The following TMEM116 variants were observed in gnomAD, a reference collection of about 807,000 sequenced individuals.
The protein encoded by TMEM116 is transmembrane protein 116.
A neutral mutation model predicts 44.3 loss-of-function variants in TMEM116; 38 were observed. The observed-to-expected ratio is 0.86, with a 90% confidence interval of 0.66 to 1.12. The LOEUF (loss-of-function observed/expected upper bound fraction) is 1.12, where lower values mean the gene tolerates loss of function less well. TMEM116 is among the 50% of genes most tolerant of loss of function. The pLI, the probability that TMEM116 is intolerant of heterozygous loss-of-function variation, is 0.00. For synonymous variants in TMEM116, 132 were observed against 144.8 expected (o/e 0.91, Z 0.64); for missense variants, 354 against 401.7 (o/e 0.88, Z 1.01).
Position 111,938,220 on chromosome 12 carries a change from G to A in TMEM116, c.316-10C>T, listed in dbSNP as rs1565869713. The A allele has an allele frequency of 6.4e-7, 1 of 1,563,294 alleles. No individual in the cohort carries two copies. The highest frequency in any genetic ancestry group is 8.7e-7 in the Non-Finnish European group (1 of 1,153,902). ...AAGTATAATCTATCACCTGTGAAAAGAATAAATGTGAGAAATGTCTTAAGA... is the reference window on the plus strand; with the variant it reads ...AAGTATAATCTATCACCTGTGAAAAAAATAAATGTGAGAAATGTCTTAAGA... On this transcript the variant is annotated splice_polypyrimidine_tract_variant and intron_variant, in intron 5 of 10. Transcript: ENST00000552374.
At chr12:111,984,164 A>G (rs2076094486) in intron 4 of TMEM116, among the ~76,000 whole-genome samples, 1 of 152,156 alleles carries the variant, frequency 6.6e-6, no homozygotes. Context: ...AAAAACTCCC[A>G]AACTAGGAAC....
chr12:111,956,546 G>A (rs1593372177), intron 4 of TMEM116, among the ~76,000 whole-genome samples: 1 of 152,162 alleles, frequency 6.6e-6, no homozygotes, highest in South Asian at 2.1e-4. Flanking sequence ...CCTTTGCACG[G>A]TCTCCCTCTA....
intron 4 of TMEM116, among the ~76,000 whole-genome samples, chr12:111,956,838 G>C (rs1470826359): frequency 6.6e-6 from 1 of 152,174 alleles, no homozygotes; most frequent in African/African-American, 2.4e-5. Context: ...AGGCTGGAGT[G>C]AGTGGCGTGA....
At chr12:111,971,043 C>T (rs894979794) in intron 4 of TMEM116, among the ~76,000 whole-genome samples, 8 of 152,158 alleles carry the variant, frequency 5.3e-5, no homozygotes, top group Non-Finnish European at 1.2e-4. Flanking sequence ...AAATACTGAA[C>T]TTCTGTCAAC....
At chr12:111,947,452 A>G (rs2073377105) in intron 4 of TMEM116, among the ~76,000 whole-genome samples, 1 of 152,184 alleles carries the variant, frequency 6.6e-6, no homozygotes, top group Non-Finnish European at 1.5e-5. Flanking sequence ...TATGGAAAAC[A>G]TTGTCAAAAG....
intron 4 of TMEM116, among the ~76,000 whole-genome samples, chr12:111,962,635 C>T (rs1320850274): frequency 2.0e-5 from 3 of 152,134 alleles, no homozygotes; most frequent in Non-Finnish European, 4.4e-5. Context: ...AAACTGGACC[C>T]GTTCCTTACA....
At position 111,937,196 on chromosome 12, in the gene TMEM116, GT is replaced by G; in HGVS notation, c.412del (p.Thr138LeufsTer16). ...LMTPVFCLGN[T>X]SECFQNFSQS... ...ACTGAAGTTTTGGAAACATTCACTAGTATTTCCCAGACAGAATACAGGTGTC... is the reference window on the plus strand; with the variant it reads ...ACTGAAGTTTTGGAAACATTCACTAGATTTCCCAGACAGAATACAGGTGTC... On this transcript the variant is annotated frameshift_variant, in exon 7 of 11. Coordinates refer to ENST00000552374, the MANE Select transcript of TMEM116 (RefSeq NM_001193531.2). LOFTEE classifies it high-confidence loss of function. 6.2e-7 allele frequency: 1 copy of G among 1,613,882 alleles called. No homozygotes were observed. Among genetic ancestry groups the G allele is most frequent in the Non-Finnish European group, 8.5e-7 (1 of 1,179,874 alleles).
rs1474352518 is a variant in TMEM116 at position 111,958,942 on chromosome 12, G to A, written c.211-15573C>T. Among the ~76,000 whole-genome samples the A allele has an allele frequency of 6.6e-5, 10 of 152,288 alleles. No individual in the cohort carries two copies. The South Asian group carries it at 1.9e-3, about 28-fold the overall frequency. Reference sequence around the variant, plus strand: ...ATACTCTTCAGGATATTATCCAGGAGAACTTCCCCAACCTAGCAAGACAGG... The same window carrying A: ...ATACTCTTCAGGATATTATCCAGGAAAACTTCCCCAACCTAGCAAGACAGG... On this transcript the variant is annotated intron_variant, in intron 4 of 10. Transcript: ENST00000552374.
At chr12:112,007,153 G>A (rs928880600) in intron 1 of TMEM116, among the ~76,000 whole-genome samples, 1 of 152,186 alleles carries the variant, frequency 6.6e-6, no homozygotes, top group East Asian at 1.9e-4. Flanking sequence ...GCTGGCCCAC[G>A]CCTGTAATCC....
intron 3 of TMEM116, among the ~76,000 whole-genome samples, chr12:111,995,062 C>T (rs1045220911): frequency 6.6e-5 from 10 of 152,172 alleles, no homozygotes; most frequent in Non-Finnish European, 1.2e-4. Context: ...AAGCACATCA[C>T]GCACTGTTGG....
intron 4 of TMEM116, among the ~76,000 whole-genome samples, chr12:111,987,374 G>T (rs906754018): frequency 6.6e-6 from 1 of 151,734 alleles, no homozygotes; most frequent in East Asian, 1.9e-4. Context: ...GTATGGTGGC[G>T]CACACCTGTA....
intron 1 of TMEM116, among the ~76,000 whole-genome samples, chr12:112,007,935 T>C (rs2136749565): frequency 6.6e-6 from 1 of 152,356 alleles, no homozygotes; most frequent in African/African-American, 2.4e-5. Context: ...TGAAGTATCT[T>C]TGGAAACATA....
chr12:111,943,522 A>G (rs1483436985), intron 4 of TMEM116, among the ~76,000 whole-genome samples, 153 bp from the exon 5 acceptor site: 1 of 152,108 alleles, frequency 6.6e-6, no homozygotes, highest in African/African-American at 2.4e-5. Context: ...AAACCATACC[A>G]AGTCTGAAAT....
At chr12:111,990,789 G>A (rs765147104) in intron 4 of TMEM116, among the ~76,000 whole-genome samples, 9 of 152,172 alleles carry the variant, frequency 5.9e-5, no homozygotes, top group Non-Finnish European at 1.3e-4. Flanking sequence ...ATGATTATCT[G>A]TAGTATTTTC....
At chr12:111,968,609 T>C (rs1774410011) in intron 4 of TMEM116, among the ~76,000 whole-genome samples, 1 of 152,194 alleles carries the variant, frequency 6.6e-6, no homozygotes, top group South Asian at 2.1e-4. Context: ...GAAACAGATA[T>C]TAGAACTAGA....
chr12:111,952,048 G>A (rs1448091490), intron 4 of TMEM116, among the ~76,000 whole-genome samples: 2 of 151,990 alleles, frequency 1.3e-5, no homozygotes, highest in Non-Finnish European at 2.9e-5. Context: ...GGCCAACATG[G>A]TGAAACCCCA....
At chr12:111,937,290 C>G in intron 6 of TMEM116, 47 bp from the exon 7 acceptor site, 2 of 1,426,328 alleles carry the variant, frequency 1.4e-6, no homozygotes, top group Non-Finnish European at 2.0e-6. Context: ...CTTTTTCATG[C>G]CCTTCCTCCT....
chr12:111,949,920 GCC>G (rs1302610966), intron 4 of TMEM116, among the ~76,000 whole-genome samples: 3 of 152,140 alleles, frequency 2.0e-5, no homozygotes, highest in African/African-American at 4.8e-5. Flanking sequence ...TTCAAGATCA[GCC>G]TGGTCAACAT....
intron 8 of TMEM116, chr12:111,935,894 G>T (rs2072119628): frequency 6.6e-6 from 1 of 152,052 alleles, no homozygotes; most frequent in African/African-American, 2.4e-5. Flanking sequence ...ACCCGCCTTG[G>T]CCTCTCAAAG....
Sources: gnomAD v4.1 joint callset for allele counts (sites outside exome capture counted in the v4.1 genomes callset) on GRCh38, gnomAD v4.1.1 for gene constraint, MANE v1.5 for transcripts, NCBI Gene and HGNC (gene_info 2026-07-23, HGNC 2026-07-21) for gene names.